Variants in TOR2A observed in about 807,000 individuals in gnomAD.
The protein encoded by TOR2A is prosalusin.
A neutral mutation model predicts 28.6 loss-of-function variants in TOR2A; 24 were observed. The observed-to-expected ratio is 0.84, with a 90% CI of 0.61 to 1.18. The LOEUF (loss-of-function observed/expected upper bound fraction) is 1.18. Among genes scored for constraint, TOR2A ranks in the 50% most tolerant of loss-of-function variants. TOR2A has a pLI of 0.00. For missense variants in TOR2A, 426 were observed against 448.1 expected (o/e 0.95, Z 0.45); for synonymous variants, 203 against 203.1 (o/e 1.00, Z 0.00).
intron 1 of TOR2A, 23 bp downstream of exon 1, chr9:127,735,097 C>A: frequency 6.9e-7 from 1 of 1,444,888 alleles, no homozygotes. Flanking sequence ...CCGCCCCTCG[C>A]TCCGGGCTCC....
At chr9:127,733,147 G>A in intron 3 of TOR2A, 2 of 1,540,330 alleles carry the variant, frequency 1.3e-6, no homozygotes, top group Non-Finnish European at 1.7e-6. Flanking sequence ...TGACCTGGCA[G>A]GGCTTCCACA....
At position 127,734,382 on chromosome 9, in the gene TOR2A, G is replaced by A. The variant is rs1307337823; in HGVS notation, c.334C>T (p.Gln112Ter). 1 of 1,612,648 alleles carries A rather than the reference G, an allele frequency of 6.2e-7. No homozygotes were observed. Among genetic ancestry groups the A allele is most frequent in the Non-Finnish European group, 8.5e-7 (1 of 1,179,790 alleles). ...ACGCGGGGGCTGCGGAGGCCGCCCT[G>A]GAAGAGGTAGTGCGCCAGCAGGGAG... ...VSSLLAHYLF[Q>*]GGLRSPRVHH... The change falls in exon 2 of 5, where the codon CAG becomes TAG. Residue 112 changes from glutamine to a stop codon, truncating the protein, a stop_gained. Transcript: ENST00000373284. LOFTEE classifies it high-confidence loss of function.
Position 127,731,531 on chromosome 9 carries a change from C to A in TOR2A, c.*503G>T. ...AAGTCTTAGCAACAGTCCTCTGGTCCCACAGCTGAGTTTATTATACTTGTT... is the reference window on the plus strand; with the variant it reads ...AAGTCTTAGCAACAGTCCTCTGGTCACACAGCTGAGTTTATTATACTTGTT... On this transcript the variant is annotated 3_prime_UTR_variant, in exon 5 of 5. Coordinates refer to ENST00000373284, the MANE Select transcript of TOR2A (RefSeq NM_001085347.3). 1 of 1,463,956 alleles carries A rather than the reference C, an allele frequency of 6.8e-7. No individual in the cohort carries two copies. Among genetic ancestry groups the A allele is most frequent in the Non-Finnish European group, 9.0e-7 (1 of 1,110,336 alleles). 90.7% of individuals were successfully genotyped at this position (1,463,956 alleles called of 1,614,324 possible). A position where few individuals can be genotyped will look rare whatever the true frequency, so the allele number is the denominator to read the frequency against.
intron 3 of TOR2A, chr9:127,733,111 C>G: frequency 1.3e-6 from 2 of 1,512,680 alleles, no homozygotes; most frequent in South Asian, 2.7e-5. Context: ...CTGTGTCCTC[C>G]TCACCACAAA....
chr9:127,734,047 T>C, intron 2 of TOR2A: 1 of 469,780 alleles, frequency 2.1e-6, no homozygotes, highest in South Asian at 4.4e-5. Context: ...TCTGCAATGG[T>C]ATAATCTCAT....
chr9:127,733,375 C>T lies in TOR2A; in HGVS notation c.593+10G>A, dbSNP rs1240021381. 8.7e-6 allele frequency: 14 copies of T among 1,613,766 alleles called. No homozygotes were observed. The highest frequency in any genetic ancestry group is 1.7e-5 in the Admixed American group (1 of 60,028). The stretch of plus-strand genomic sequence containing the variant: ...CCCCCCACTGTGCCCACTGCAAAGC[C>T]GGGCCCCACCTGATGAAGATGAAGA... On this transcript the variant is annotated intron_variant, in intron 3 of 4. Transcript: ENST00000373284.
chr9:127,734,752 G>T lies in TOR2A; in HGVS notation c.152-188C>A, dbSNP rs1387354144. On this transcript the variant is annotated intron_variant, in intron 1 of 4. Transcript: ENST00000373284. The stretch of plus-strand genomic sequence containing the variant: ...CCTTCGGGCCTGATTCAGCTCGGCA[G>T]CGCCCCCACCAGGCGGTCCTCTAGA... 3 of 682,636 alleles carry T rather than the reference G, an allele frequency of 4.4e-6. No homozygotes were observed. The East Asian group carries it at 1.0e-4, about 23-fold the overall frequency. 42.3% of individuals were successfully genotyped at this position (682,636 alleles called of 1,614,324 possible).
chr9:127,734,128 C>T lies in TOR2A; in HGVS notation c.417+171G>A, dbSNP rs531018919. Reference sequence around the variant, plus strand: ...ACTGCCCCAAGGAATCAAAGTACTCCCTGCCAGGTAGAATGACACCTTCCC... The same window carrying T: ...ACTGCCCCAAGGAATCAAAGTACTCTCTGCCAGGTAGAATGACACCTTCCC... On this transcript the variant is annotated intron_variant, in intron 2 of 4. Transcript: ENST00000373284. The T allele has an allele frequency of 1.8e-5, 15 of 836,698 alleles. No homozygotes were observed. In the African/African-American group the frequency reaches 2.7e-4, roughly 15 times the overall value. The allele number at this position is 836,698 out of a possible 1,614,324, so 51.8% of individuals were successfully genotyped here. A position where few individuals can be genotyped will look rare whatever the true frequency, so the allele number is the denominator to read the frequency against.
chr9:127,733,463 T>G lies in TOR2A; in HGVS notation c.515A>C (p.Glu172Ala). 6.2e-7 allele frequency: 1 copy of G among 1,613,886 alleles called. No individual in the cohort carries two copies. The highest frequency in any genetic ancestry group is 8.5e-7 in the Non-Finnish European group (1 of 1,180,012). The change falls in exon 3 of 5, where the codon GAA becomes GCA. Residue 172 changes from glutamate (E) to alanine (A), a missense_variant. Glu to Ala is a moderately radical substitution (Grantham distance 107, BLOSUM62 -1). Transcript: ENST00000373284. ...EMDKMPPGLMEVLRPFLGSSW... is the reference protein window; with the variant it reads ...EMDKMPPGLMAVLRPFLGSSW... ...GGAGCCCAGGAAAGGCCGCAGGACT[T>G]CCATCAGGCCTGGGGGCATCTTGTC...
intron 1 of TOR2A, 180 bp from the exon 2 acceptor site, chr9:127,734,744 G>T: frequency 1.4e-6 from 1 of 699,158 alleles, no homozygotes; most frequent in Non-Finnish European, 2.1e-6. Context: ...GCCTGATTCA[G>T]CTCGGCAGCG....
chr9:127,735,280 G>A lies in TOR2A; in HGVS notation c.-10C>T. 1.8e-5 allele frequency: 25 copies of A among 1,378,562 alleles called. No homozygotes were observed. The highest frequency in any genetic ancestry group is 2.2e-5 in the Non-Finnish European group (24 of 1,074,920). The allele number at this position is 1,378,562 out of a possible 1,614,324, so 85.4% of individuals were successfully genotyped here. ...GCGTCGCAGCCGCCATCCGGGTGAGGCCCGAGCTCGTTGTGGGGCAGTCAA... is the reference window on the plus strand; with the variant it reads ...GCGTCGCAGCCGCCATCCGGGTGAGACCCGAGCTCGTTGTGGGGCAGTCAA... On this transcript the variant is annotated 5_prime_UTR_variant, in exon 1 of 5. Coordinates refer to ENST00000373284, the MANE Select transcript of TOR2A (RefSeq NM_001085347.3).
At chr9:127,733,754 C>G in intron 2 of TOR2A, 194 bp from the exon 3 acceptor site, 1 of 608,900 alleles carries the variant, frequency 1.6e-6, no homozygotes, top group Non-Finnish European at 2.9e-6. Flanking sequence ...CACAGCCAGT[C>G]AGAACAGGGA....
intron 1 of TOR2A, 162 bp from the exon 2 acceptor site, chr9:127,734,726 A>C: frequency 1.2e-6 from 1 of 862,668 alleles, no homozygotes; most frequent in Non-Finnish European, 1.6e-6. Flanking sequence ...GAAAAGAGCC[A>C]CCTTCGGGCC....
chr9:127,735,210 C>T lies in TOR2A; in HGVS notation c.61G>A (p.Val21Ile), dbSNP rs753773719. 9.5e-6 allele frequency: 14 copies of T among 1,477,706 alleles called. No homozygotes were observed. The highest frequency in any genetic ancestry group is 1.1e-5 in the Non-Finnish European group (12 of 1,122,566). 91.5% of individuals were successfully genotyped at this position (1,477,706 alleles called of 1,614,324 possible). A position where few individuals can be genotyped will look rare whatever the true frequency, so the allele number is the denominator to read the frequency against. The change falls in exon 1 of 5, where the codon GTC (valine) becomes ATC (isoleucine). Residue 21 changes from valine to isoleucine, a missense_variant. Physicochemically the swap from Val to Ile is conservative, Grantham distance 29. Coordinates refer to ENST00000373284, the MANE Select transcript of TOR2A (RefSeq NM_001085347.3). Reference sequence around the variant, plus strand: ...TCCCAGGCGGCGGCCGCGGCCGAGACCAGCCCGAGCAGCCCGAGGAGCGAG... The same window carrying T: ...TCCCAGGCGGCGGCCGCGGCCGAGATCAGCCCGAGCAGCCCGAGGAGCGAG... ...WGSLLGLLGL[V>I]SAAAAAWDLA...
intron 3 of TOR2A, chr9:127,733,083 T>C: frequency 6.8e-7 from 1 of 1,476,202 alleles, no homozygotes; most frequent in Non-Finnish European, 8.9e-7. Context: ...AAGAACTCTG[T>C]TCCTATTTTT....
chr9:127,735,289 CGTT>C lies in TOR2A; in HGVS notation c.-22_-20del. ...CCGCCATCCGGGTGAGGCCCGAGCT[CGTT>C]GTGGGGCAGTCAACTGCCTCGCCCG... is the stretch of plus-strand genomic sequence containing the variant. On this transcript the variant is annotated 5_prime_UTR_variant, in exon 1 of 5. Transcript: ENST00000373284. The C allele has an allele frequency of 7.3e-7, 1 of 1,366,472 alleles. No homozygotes were observed. The highest frequency in any genetic ancestry group is 9.4e-7 in the Non-Finnish European group (1 of 1,067,384). 84.6% of individuals were successfully genotyped at this position (1,366,472 alleles called of 1,614,324 possible).
chr9:127,733,544 C>T lies in TOR2A; in HGVS notation c.434G>A (p.Trp145Ter). 6.2e-7 allele frequency: 1 copy of T among 1,612,386 alleles called. No homozygotes were observed. Among genetic ancestry groups the T allele is most frequent in the Non-Finnish European group, 8.5e-7 (1 of 1,179,634 alleles). Residue 145 changes from tryptophan (W) to a stop codon, truncating the protein, a stop_gained, in exon 3 of 5, where the codon TGG (tryptophan) becomes TAG (stop). Coordinates refer to ENST00000373284, the MANE Select transcript of TOR2A (RefSeq NM_001085347.3). LOFTEE classifies it high-confidence loss of function. ...IERYKKDLKS[W>*]VQGNLTACGR... Reference sequence around the variant, plus strand: ...ACAGGCAGTGAGGTTCCCTTGGACCCAGCTCTTCAGATCCTTCTGTAGGGG... The same window carrying T: ...ACAGGCAGTGAGGTTCCCTTGGACCTAGCTCTTCAGATCCTTCTGTAGGGG...
In TOR2A at chr9:127,732,629, C is replaced by G. The variant is rs371270860; in HGVS notation, c.656G>C (p.Arg219Pro). The change falls in exon 4 of 5, where the codon CGC becomes CCC. Residue 219 changes from arginine to proline, a missense_variant. By Grantham distance (103) the Arg-to-Pro change is moderately radical (BLOSUM62 -2). Coordinates refer to ENST00000373284, the MANE Select transcript of TOR2A (RefSeq NM_001085347.3). The stretch of plus-strand genomic sequence containing the variant: ...CAGCTCCTGCAGGAGGATCTCCTCG[C>G]GGTCCCGCCGGCTGCGCCACGCCTC... ...ALEAWRSRRD[R>P]EEILLQELEP... 273 of 1,574,080 alleles carry G rather than the reference C, an allele frequency of 1.7e-4. No individual in the cohort carries two copies. The highest frequency in any genetic ancestry group is 2.3e-4 in the Non-Finnish European group (262 of 1,161,212).
chr9:127,734,202 G>C, intron 2 of TOR2A, 97 bp downstream of exon 2: 1 of 1,440,400 alleles, frequency 6.9e-7, no homozygotes, highest in Non-Finnish European at 9.2e-7. Context: ...AGCCGTGTGT[G>C]GCCTGGAGCA....
Sources: gnomAD v4.1 joint callset for allele counts on GRCh38, gnomAD v4.1.1 for gene constraint, MANE v1.5 for transcripts, NCBI Gene and HGNC (gene_info 2026-07-23, HGNC 2026-07-21) for gene names.